SPATA9: variants seen among roughly 807,000 people sequenced by gnomAD.
SPATA9 encodes the protein spermatogenesis-associated protein 9.
A neutral mutation model predicts 25.5 loss-of-function variants in SPATA9; 27 were observed. The observed-to-expected ratio is 1.06, with a 90% CI of 0.78 to 1.46. The LOEUF (loss-of-function observed/expected upper bound fraction) is 1.46. Among genes scored for constraint, SPATA9 ranks in the 40% most tolerant of loss-of-function variants. The pLI, the probability that SPATA9 is intolerant of heterozygous loss-of-function variation, is 0.00. For synonymous variants in SPATA9, 102 were observed against 105.7 expected (o/e 0.97, Z 0.21); for missense variants, 282 against 297.5 (o/e 0.95, Z 0.38).
intron 4 of SPATA9, among the ~76,000 whole-genome samples, chr5:95,661,266 T>A (rs1751232241): frequency 1.3e-5 from 2 of 152,136 alleles, no homozygotes; most frequent in African/African-American, 4.8e-5. Flanking sequence ...GGATTCTTTT[T>A]TAGCTCACTT....
Position 95,691,278 on chromosome 5 carries a change from T to C in SPATA9, n.124+7310A>G, listed in dbSNP as rs375131316. On this transcript the variant is annotated intron_variant and non_coding_transcript_variant, in intron 1 of 2. Coordinates refer to the SPATA9 transcript ENST00000379990. ...CCTTCCATTAACACTTTATTTTTAA[T>C]AGGCTGTTACTTTCATCCATCTGAA... Among the ~76,000 whole-genome samples the C allele has an allele frequency of 4.0e-4, 61 of 152,304 alleles. No homozygotes were observed. The East Asian group carries it at 4.4e-3, about 11-fold the overall frequency.
intron 1 of SPATA9, among the ~76,000 whole-genome samples, chr5:95,698,356 A>G (rs1185667727): frequency 6.6e-6 from 1 of 152,200 alleles, no homozygotes; most frequent in African/African-American, 2.4e-5. Context: ...GACTTGATGC[A>G]AGCATCTGTG....
intron 3 of SPATA9, among the ~76,000 whole-genome samples, chr5:95,669,099 A>C (rs554043375): frequency 6.6e-6 from 1 of 152,240 alleles, no homozygotes; most frequent in Non-Finnish European, 1.5e-5. Context: ...AATACAGGAA[A>C]GACTCCTGAC....
chr5:95,689,231 G>A (rs527240030), intron 1 of SPATA9, among the ~76,000 whole-genome samples: 2 of 152,064 alleles, frequency 1.3e-5, no homozygotes, highest in East Asian at 1.9e-4. Context: ...AAATAATACC[G>A]ACTATATTAA....
the SPATA9 span, among the ~76,000 whole-genome samples, chr5:95,710,552 C>A: frequency 1.3e-5 from 2 of 152,154 alleles, no homozygotes; most frequent in African/African-American, 4.8e-5. Flanking sequence ...GATAAATAGG[C>A]CACTGGGCGT....
chr5:95,728,469 T>C, the SPATA9 span, among the ~76,000 whole-genome samples: 1 of 152,244 alleles, frequency 6.6e-6, no homozygotes, highest in Non-Finnish European at 1.5e-5. Context: ...TTACTTTCTT[T>C]ATGAACTTCT....
intron 1 of SPATA9, among the ~76,000 whole-genome samples, chr5:95,695,160 T>C (rs966065658): frequency 6.6e-6 from 1 of 152,212 alleles, no homozygotes; most frequent in East Asian, 1.9e-4. Context: ...TTATAAATAC[T>C]ATTTTGTAGG....
upstream of SPATA9, among the ~76,000 whole-genome samples, chr5:95,683,725 G>A (rs879441486): frequency 6.6e-6 from 1 of 152,142 alleles, no homozygotes; most frequent in African/African-American, 2.4e-5. Context: ...TTTTAGTAGA[G>A]ACGGGGTTTC....
At chr5:95,703,573 G>A (rs1754225151), upstream of SPATA9, among the ~76,000 whole-genome samples, 1 of 152,054 alleles carries the variant, frequency 6.6e-6, no homozygotes, top group Non-Finnish European at 1.5e-5. Flanking sequence ...GGTGGAGGCT[G>A]CAGTGGGCCG....
At chr5:95,705,140 G>A in the SPATA9 span, among the ~76,000 whole-genome samples, 43 of 151,512 alleles carry the variant, frequency 2.8e-4, no homozygotes, top group African/African-American at 4.4e-4. Flanking sequence ...TTTATTTTTC[G>A]TATTTTTTGT....
intron 3 of SPATA9, chr5:95,670,807 C>A (rs1752303396): frequency 1.0e-6 from 1 of 979,952 alleles, no homozygotes; most frequent in Admixed American, 6.2e-5. Context: ...ACCTCTGCCA[C>A]ATCTCATACA....
chr5:95,713,317 A>T, the SPATA9 span, among the ~76,000 whole-genome samples: 1 of 151,894 alleles, frequency 6.6e-6, no homozygotes, highest in Admixed American at 6.6e-5. Context: ...CCCAAATCTC[A>T]TGTCGAATTG....
At chr5:95,706,386 C>T in the SPATA9 span, among the ~76,000 whole-genome samples, 1 of 151,554 alleles carries the variant, frequency 6.6e-6, no homozygotes, top group South Asian at 2.1e-4. Flanking sequence ...GTAGCACCTC[C>T]CCCTTCCCTC....
At chr5:95,669,486 G>C (rs926037617) in intron 3 of SPATA9, among the ~76,000 whole-genome samples, 1 of 152,130 alleles carries the variant, frequency 6.6e-6, no homozygotes, top group African/African-American at 2.4e-5. Context: ...AGTTCACTGG[G>C]ATCCACCTTA....
intron 3 of SPATA9, chr5:95,670,510 GT>G (rs1396017328): frequency 2.0e-5 from 3 of 152,186 alleles, no homozygotes; most frequent in Non-Finnish European, 4.4e-5. Flanking sequence ...CTTCAGGTAA[GT>G]TAACCAGGCC....
intron 1 of SPATA9, among the ~76,000 whole-genome samples, chr5:95,698,373 G>T (rs1754090996): frequency 6.6e-6 from 1 of 152,184 alleles, no homozygotes; most frequent in African/African-American, 2.4e-5. Flanking sequence ...TGTGAAGGGA[G>T]CCAGTCTGAA....
At chr5:95,727,273 C>A in the SPATA9 span, among the ~76,000 whole-genome samples, 1 of 147,356 alleles carries the variant, frequency 6.8e-6, no homozygotes, top group Admixed American at 6.8e-5. Context: ...CTATGCAAAC[C>A]TAGTTTTCCT....
At chr5:95,656,139 A>C (rs766490188), downstream of SPATA9, 1 of 1,613,962 alleles carries the variant, frequency 6.2e-7, no homozygotes, top group Admixed American at 1.7e-5. Context: ...TATAAACCCT[A>C]AAGATCCATC....
chr5:95,670,190 C>T (rs1302309657), intron 3 of SPATA9, among the ~76,000 whole-genome samples: 1 of 152,104 alleles, frequency 6.6e-6, no homozygotes, highest in East Asian at 1.9e-4. Context: ...GGGTGGATGG[C>T]AGAGGGAGCT....
Sources: allele counts gnomAD v4.1 joint callset (sites outside exome capture counted in the v4.1 genomes callset), GRCh38; gene constraint gnomAD v4.1.1; transcripts MANE v1.5; gene names NCBI Gene and HGNC (gene_info 2026-07-23, HGNC 2026-07-21).